CCBE1: variants seen among roughly 807,000 people sequenced by gnomAD.
The protein encoded by CCBE1 is collagen and calcium binding EGF domains 1.
CCBE1 carries 37 observed loss-of-function variants against 50.0 expected under a neutral mutation model. The observed-to-expected ratio is 0.74, with a 90% CI of 0.57 to 0.97. The LOEUF (loss-of-function observed/expected upper bound fraction) is 0.97, where lower values mean the gene tolerates loss of function less well. Ranked by LOEUF, CCBE1 falls within the 50% of genes least tolerant of loss-of-function variation. The pLI, the probability that CCBE1 is intolerant of heterozygous loss-of-function variation, is 0.00. For missense variants in CCBE1, 538 were observed against 523.8 expected (o/e 1.03, Z -0.26); for synonymous variants, 234 against 203.7 (o/e 1.15, Z -1.27).
intron 2 of CCBE1, among the ~76,000 whole-genome samples, chr18:59,543,259 A>C (rs1915539740): frequency 6.6e-6 from 1 of 152,218 alleles, no homozygotes; most frequent in African/African-American, 2.4e-5. Context: ...CCATACCTGA[A>C]GAAATCCTGC....
chr18:59,444,572 A>G (rs1348369426), intron 7 of CCBE1, among the ~76,000 whole-genome samples: 1 of 151,500 alleles, frequency 6.6e-6, no homozygotes, highest in Non-Finnish European at 1.5e-5. Flanking sequence ...GCTGGAATGC[A>G]GTGTTGTTTT....
At chr18:59,491,221 C>T (rs1913081608) in intron 2 of CCBE1, among the ~76,000 whole-genome samples, 1 of 152,152 alleles carries the variant, frequency 6.6e-6, no homozygotes, top group Non-Finnish European at 1.5e-5. Context: ...AATTGTTCAC[C>T]ATGGTTACCA....
intron 2 of CCBE1, among the ~76,000 whole-genome samples, chr18:59,613,509 C>G (rs1174663969): frequency 6.6e-6 from 1 of 152,202 alleles, no homozygotes; most frequent in Non-Finnish European, 1.5e-5. Flanking sequence ...GGGAAACTTA[C>G]AAATTACACT....
At chr18:59,671,170 G>A (rs958429123) in intron 2 of CCBE1, among the ~76,000 whole-genome samples, 3 of 151,986 alleles carry the variant, frequency 2.0e-5, no homozygotes, top group Non-Finnish European at 2.9e-5. Flanking sequence ...GGTCCTGAAC[G>A]CTAGGAAAGC....
intron 2 of CCBE1, among the ~76,000 whole-genome samples, chr18:59,532,994 C>A (rs764467546): frequency 2.6e-5 from 4 of 152,112 alleles, no homozygotes; most frequent in Non-Finnish European, 5.9e-5. Context: ...GAGTGAGGAA[C>A]CAGAATGAGA....
intron 2 of CCBE1, among the ~76,000 whole-genome samples, chr18:59,683,528 T>G (rs866991273): frequency 3.5e-4 from 54 of 152,192 alleles, no homozygotes; most frequent in African/African-American, 1.2e-3. Flanking sequence ...AAACTGCATT[T>G]CCACTAAAAA....
intron 2 of CCBE1, among the ~76,000 whole-genome samples, chr18:59,522,993 C>CAAAAAAA (rs57217059): frequency 1.7e-4 from 15 of 89,212 alleles, no homozygotes; most frequent in African/African-American, 3.3e-4. Context: ...GACTCTGTTT[C>CAAAAAAA]AAAAAAAAAA....
At chr18:59,584,013 G>T (rs962119451) in intron 2 of CCBE1, among the ~76,000 whole-genome samples, 3 of 152,006 alleles carry the variant, frequency 2.0e-5, no homozygotes, top group African/African-American at 4.8e-5. Flanking sequence ...TATACCCAAA[G>T]GACTATAAAT....
At chr18:59,619,534 C>T (rs1864311) in intron 2 of CCBE1, among the ~76,000 whole-genome samples, 83,321 of 152,112 alleles carry the variant, frequency 0.55, 24,297 homozygotes, top group East Asian at 0.78. Context: ...TCCTTCCTCA[C>T]TGGTTTGTAA....
chr18:59,628,620 C>T (rs1252637737), intron 2 of CCBE1, among the ~76,000 whole-genome samples: 4 of 152,164 alleles, frequency 2.6e-5, no homozygotes, highest in Admixed American at 2.6e-4. Flanking sequence ...GGATAGAACA[C>T]GTTCCAAAAC....
At chr18:59,621,475 G>A (rs1274438596) in intron 2 of CCBE1, among the ~76,000 whole-genome samples, 1 of 152,186 alleles carries the variant, frequency 6.6e-6, no homozygotes, top group Non-Finnish European at 1.5e-5. Context: ...GCCATTCCTT[G>A]TACACAGAGG....
intron 2 of CCBE1, among the ~76,000 whole-genome samples, chr18:59,577,917 T>G (rs1342480352): frequency 6.6e-6 from 1 of 151,528 alleles, no homozygotes; most frequent in African/African-American, 2.4e-5. Flanking sequence ...ACTTCATGAC[T>G]AAAACACCAA....
intron 2 of CCBE1, among the ~76,000 whole-genome samples, chr18:59,560,301 C>A (rs2052715777): frequency 6.6e-6 from 1 of 152,124 alleles, no homozygotes; most frequent in Non-Finnish European, 1.5e-5. Flanking sequence ...CTCCAGTATT[C>A]CTTAATAAAA....
At chr18:59,602,510 A>G (rs889304733) in intron 2 of CCBE1, among the ~76,000 whole-genome samples, 12 of 152,222 alleles carry the variant, frequency 7.9e-5, no homozygotes, top group Non-Finnish European at 1.8e-4. Flanking sequence ...AAGTTTTCCC[A>G]TCTACAAAGA....
intron 2 of CCBE1, among the ~76,000 whole-genome samples, chr18:59,547,087 G>GAGAA (rs1464651359): frequency 8.9e-6 from 1 of 112,580 alleles, no homozygotes. Flanking sequence ...GAGAAAGGGA[G>GAGAA]AGAGAGGGAG....
chr18:59,549,515 C>T (rs1336107363), intron 2 of CCBE1, among the ~76,000 whole-genome samples: 1 of 152,142 alleles, frequency 6.6e-6, no homozygotes, highest in Non-Finnish European at 1.5e-5. Flanking sequence ...ATCTGGTGCA[C>T]CGGGGCTCAG....
intron 2 of CCBE1, among the ~76,000 whole-genome samples, chr18:59,544,305 G>A (rs1002593210): frequency 6.6e-6 from 1 of 152,056 alleles, no homozygotes; most frequent in African/African-American, 2.4e-5. Context: ...AAGCAAAATA[G>A]AATCACTAAC....
chr18:59,645,900 G>A (rs796913706), intron 2 of CCBE1, among the ~76,000 whole-genome samples: 11 of 152,090 alleles, frequency 7.2e-5, no homozygotes, highest in East Asian at 3.9e-4. Flanking sequence ...GTGTGGTGGC[G>A]GGTGCCTGTA....
intron 2 of CCBE1, among the ~76,000 whole-genome samples, chr18:59,482,660 T>C (rs1912627282): frequency 6.6e-6 from 1 of 152,190 alleles, no homozygotes; most frequent in Non-Finnish European, 1.5e-5. Context: ...CCTATATGGT[T>C]ATAAAGTCTC....
Sources: allele counts gnomAD v4.1 joint callset (sites outside exome capture counted in the v4.1 genomes callset), GRCh38; gene constraint gnomAD v4.1.1; transcripts MANE v1.5; gene names NCBI Gene and HGNC (gene_info 2026-07-23, HGNC 2026-07-21).